Variants in RPS6KC1 observed in about 807,000 individuals in gnomAD.
The protein encoded by RPS6KC1 is ribosomal protein S6 kinase C1.
A neutral mutation model predicts 103.8 loss-of-function variants in RPS6KC1; 54 were observed. The observed-to-expected ratio is 0.52, with a 90% CI of 0.42 to 0.65. The LOEUF is 0.65. RPS6KC1 is among the 30% of genes least tolerant of loss of function. The pLI, the probability that RPS6KC1 is intolerant of heterozygous loss-of-function variation, is 0.00. For synonymous variants in RPS6KC1, 439 were observed against 438.7 expected, an observed-to-expected ratio of 1.00 and a Z score of -0.01; for missense variants, 1,151 against 1,253.8, an observed-to-expected ratio of 0.92 and a Z score of 1.24.
the RPS6KC1 span, among the ~76,000 whole-genome samples, chr1:213,384,484 A>G: frequency 6.6e-6 from 1 of 152,010 alleles, no homozygotes; most frequent in East Asian, 1.9e-4. Context: ...TTGGCAGACT[A>G]TGGAGGAGGT....
chr1:213,440,516 C>G, the RPS6KC1 span, among the ~76,000 whole-genome samples: 1 of 138,212 alleles, frequency 7.2e-6, no homozygotes, highest in Non-Finnish European at 1.5e-5. Flanking sequence ...GATTAAATGA[C>G]AGAATCATAA....
the RPS6KC1 span, among the ~76,000 whole-genome samples, chr1:213,326,090 G>C: frequency 6.6e-6 from 1 of 152,080 alleles, no homozygotes; most frequent in African/African-American, 2.4e-5. Flanking sequence ...GTGAGCACCT[G>C]AGAAAGAGAG....
chr1:213,702,663 AGT>A, the RPS6KC1 span, among the ~76,000 whole-genome samples: 1 of 152,024 alleles, frequency 6.6e-6, no homozygotes, highest in Non-Finnish European at 1.5e-5. Context: ...ATCATTATAT[AGT>A]GTAATTCTTT....
At chr1:213,762,869 T>G in the RPS6KC1 span, among the ~76,000 whole-genome samples, 1 of 151,744 alleles carries the variant, frequency 6.6e-6, no homozygotes, top group Non-Finnish European at 1.5e-5. Flanking sequence ...TTTACGTTTT[T>G]TTTTTTTTTT....
the RPS6KC1 span, among the ~76,000 whole-genome samples, chr1:213,440,681 C>T: frequency 6.6e-6 from 1 of 151,294 alleles, no homozygotes; most frequent in Admixed American, 6.6e-5. Flanking sequence ...GGAGAAGCCT[C>T]ATGGAAAAGG....
the RPS6KC1 span, among the ~76,000 whole-genome samples, chr1:213,542,376 T>G: frequency 6.6e-6 from 1 of 152,152 alleles, no homozygotes; most frequent in Non-Finnish European, 1.5e-5. Context: ...CCCCTCCCGC[T>G]GGGGGAGAAC....
At chr1:213,825,164 A>G in the RPS6KC1 span, among the ~76,000 whole-genome samples, 1 of 152,236 alleles carries the variant, frequency 6.6e-6, no homozygotes, top group African/African-American at 2.4e-5. Flanking sequence ...TGAAGCGTCA[A>G]TTAATATGCT....
At chr1:213,119,428 A>G (rs1194984865) in intron 5 of RPS6KC1, among the ~76,000 whole-genome samples, 3 of 60 alleles carry the variant, frequency 0.05, no homozygotes, top group East Asian at 0.5. Context: ...GCCTGGGCAT[A>G]TATATATATA....
chr1:213,052,784 C>T (rs1018176600), intron 1 of RPS6KC1, among the ~76,000 whole-genome samples: 2 of 152,242 alleles, frequency 1.3e-5, no homozygotes, highest in African/African-American at 4.8e-5. Flanking sequence ...TCAGTTGATC[C>T]GCCTGCCTCG....
the RPS6KC1 span, among the ~76,000 whole-genome samples, chr1:213,565,809 G>A: frequency 1.3e-5 from 2 of 151,948 alleles, no homozygotes; most frequent in Non-Finnish European, 2.9e-5. Context: ...AAGAAAACCT[G>A]TAGGCTGGGC....
intron 4 of RPS6KC1, among the ~76,000 whole-genome samples, chr1:213,111,909 CT>C (rs1329275648): frequency 1.3e-5 from 2 of 152,076 alleles, no homozygotes; most frequent in Non-Finnish European, 2.9e-5. Flanking sequence ...CAAATATAAG[CT>C]GTAATCTGAA....
the RPS6KC1 span, among the ~76,000 whole-genome samples, chr1:213,720,288 A>G: frequency 2.6e-5 from 4 of 152,240 alleles, no homozygotes; most frequent in Non-Finnish European, 4.4e-5. Context: ...ACTAGTAACA[A>G]CATCTATCAT....
the RPS6KC1 span, among the ~76,000 whole-genome samples, chr1:213,591,442 C>T: frequency 2.0e-5 from 3 of 152,150 alleles, no homozygotes; most frequent in East Asian, 3.9e-4. Flanking sequence ...CCATGTTTCT[C>T]GGTTACCTGA....
chr1:213,618,140 C>T, the RPS6KC1 span, among the ~76,000 whole-genome samples: 1 of 152,100 alleles, frequency 6.6e-6, no homozygotes, highest in Non-Finnish European at 1.5e-5. Flanking sequence ...AGGTTATTTT[C>T]CCTTCCAAAA....
the RPS6KC1 span, among the ~76,000 whole-genome samples, chr1:213,280,389 TG>T: frequency 6.6e-6 from 1 of 152,218 alleles, no homozygotes; most frequent in African/African-American, 2.4e-5. Context: ...TTTGATGACT[TG>T]TATAGTGTTG....
At chr1:213,510,390 G>C in the RPS6KC1 span, among the ~76,000 whole-genome samples, 2 of 152,180 alleles carry the variant, frequency 1.3e-5, no homozygotes, top group African/African-American at 2.4e-5. Flanking sequence ...TGGAGGTTAA[G>C]TACTGTGTAG....
At chr1:213,180,025 G>A (rs1203654063) in intron 8 of RPS6KC1, among the ~76,000 whole-genome samples, 1 of 152,160 alleles carries the variant, frequency 6.6e-6, no homozygotes, top group African/African-American at 2.4e-5. Context: ...TTCCATAGCT[G>A]TATGTTGATT....
In RPS6KC1 at chr1:213,110,780, A is replaced by T. The variant is rs2082946923; in HGVS notation, c.378+6211A>T. 2.6e-5 allele frequency among the ~76,000 whole-genome samples: 4 copies of T among 152,180 alleles called. No individual in the cohort carries two copies. The South Asian group carries it at 8.3e-4, about 32-fold the overall frequency. On this transcript the variant is annotated intron_variant, in intron 4 of 14. Transcript: ENST00000366960. The stretch of plus-strand genomic sequence containing the variant: ...TGACCCCTCTCTGGTCTCTACACAG[A>T]TGGGTAGTGAGCTTTATGAAGACCC...
the RPS6KC1 span, among the ~76,000 whole-genome samples, chr1:213,502,882 T>C: frequency 6.6e-6 from 1 of 151,992 alleles, no homozygotes; most frequent in Non-Finnish European, 1.5e-5. Context: ...ATAAAGCCAA[T>C]AAAATTATTA....
Sources: gnomAD v4.1 joint callset for allele counts (sites outside exome capture counted in the v4.1 genomes callset) on GRCh38, gnomAD v4.1.1 for gene constraint, MANE v1.5 for transcripts, NCBI Gene and HGNC (gene_info 2026-07-23, HGNC 2026-07-21) for gene names.